GALC: variants seen among roughly 807,000 people sequenced by gnomAD.
The protein encoded by GALC is galactosylceramidase.
A neutral mutation model predicts 91.8 loss-of-function variants in GALC; 77 were observed. The ratio of observed to expected loss-of-function variants is 0.84; its 90% CI spans 0.70 to 1.01. GALC has a LOEUF of 1.01. GALC is among the 50% of genes least tolerant of loss of function. GALC has a pLI of 0.00. For synonymous variants in GALC, 357 were observed against 306.7 expected, an observed-to-expected ratio of 1.16 and a Z score of -1.71; for missense variants, 882 against 855.9, an observed-to-expected ratio of 1.03 and a Z score of -0.38.
At chr14:87,947,122 G>A (rs544588321) in intron 13 of GALC, among the ~76,000 whole-genome samples, 1 of 152,078 alleles carries the variant, frequency 6.6e-6, no homozygotes, top group East Asian at 1.9e-4. Flanking sequence ...ACACCACCAA[G>A]CAGTCAACAA....
At position 87,941,371 on chromosome 14, in the gene GALC, T is replaced by TA. The variant is rs540937002; in HGVS notation, c.1834+23_1834+24insT. On this transcript the variant is annotated intron_variant, in intron 15 of 16. Transcript: ENST00000261304. Reference sequence around the variant, plus strand: ...AACATAGCCCATAAGTCATATGCTATTAAAAAAAAAAAAAGTCAGTTACCT... The same window carrying TA: ...AACATAGCCCATAAGTCATATGCTATATAAAAAAAAAAAAAGTCAGTTACCT... 13 of 1,327,580 alleles carry TA rather than the reference T, an allele frequency of 9.8e-6. No homozygotes were observed. In the African/African-American group the frequency reaches 1.3e-4, roughly 14 times the overall value. The allele number at this position is 1,327,580 out of a possible 1,614,324, so 82.2% of individuals were successfully genotyped here. A position where few individuals can be genotyped will look rare whatever the true frequency, so the allele number is the denominator to read the frequency against.
intron 6 of GALC, chr14:87,980,758 A>G (rs575423287): frequency 1.3e-5 from 2 of 152,328 alleles, no homozygotes; most frequent in Admixed American, 6.5e-5. Context: ...CACCCTCCCC[A>G]ATACAAAAAA....
intron 3 of GALC, 38 bp from the exon 4 acceptor site, chr14:87,986,640 T>G: frequency 8.0e-7 from 1 of 1,256,126 alleles, no homozygotes; most frequent in African/African-American, 1.5e-5. Flanking sequence ...TAATGATCCA[T>G]GAATGGTACT....
chr14:87,968,223 T>C (rs1339059299), intron 8 of GALC, 112 bp downstream of exon 8: 22 of 882,774 alleles, frequency 2.5e-5, no homozygotes, highest in Non-Finnish European at 3.7e-5. Context: ...CAAGGCAAAA[T>C]GTTTACAATC....
rs1886495923 is a variant in GALC at position 87,976,430 on chromosome 14, T to C, written c.680A>G (p.Asp227Gly). ...TGCAGAGATGGACTCCCAGAGATTA[T>C]CACTTGCTATGATTTTCACTCGCTG... ...GLQRVKIIAS[D>G]NLWESISASM... Residue 227 changes from aspartate (D) to glycine (G), a missense_variant, in exon 7 of 17, where the codon GAT (aspartate) becomes GGT (glycine). Coordinates refer to ENST00000261304, the MANE Select transcript of GALC (RefSeq NM_000153.4). The C allele has an allele frequency of 5.0e-6, 8 of 1,613,690 alleles. No homozygotes were observed. Among genetic ancestry groups the C allele is most frequent in the Non-Finnish European group, 5.9e-6 (7 of 1,179,566 alleles).
At chr14:87,965,471 A>C (rs1885995722) in intron 9 of GALC, 34 bp downstream of exon 9, 3 of 1,610,594 alleles carry the variant, frequency 1.9e-6, no homozygotes, top group Non-Finnish European at 2.5e-6. Context: ...CTTAGAGAAG[A>C]ATTTAGGGAG....
chr14:87,941,564 A>T lies in GALC; in HGVS notation c.1671-6T>A, dbSNP rs2139941837. 4 of 1,551,606 alleles carry T rather than the reference A, an allele frequency of 2.6e-6. No individual in the cohort carries two copies. The highest frequency in any genetic ancestry group is 3.4e-4 in the Middle Eastern group (2 of 5,946). On this transcript the variant is annotated splice_region_variant and splice_polypyrimidine_tract_variant and intron_variant, in intron 14 of 16. Coordinates refer to ENST00000261304, the MANE Select transcript of GALC (RefSeq NM_000153.4). ...ACTTTATAGTCAGATTGGTCCTGCA[A>T]AATAAAACGGTTGATTAGTACTCTT... is the stretch of plus-strand genomic sequence containing the variant.
Position 87,986,591 on chromosome 14 carries a change from G to C in GALC, c.340C>G (p.Pro114Ala). 3.7e-6 allele frequency: 6 copies of C among 1,609,750 alleles called. No homozygotes were observed. The highest frequency in any genetic ancestry group is 1.7e-4 in the Middle Eastern group (1 of 6,060). The change falls in exon 4 of 17, where the codon CCC becomes GCC. Residue 114 changes from proline (P) to alanine (A), a missense_variant. Transcript: ENST00000261304. Reference sequence around the variant, plus strand: ...TCTAGTGCATAATGCATGTGGGAGGGCTCAGTGCCGTCTGAATAGAGGAGA... The same window carrying C: ...TCTAGTGCATAATGCATGTGGGAGGCCTCAGTGCCGTCTGAATAGAGGAGA... The part of the protein sequence containing the change: ...GDGQTTDGTE[P>A]SHMHYALDEN...
At chr14:87,935,298 T>C (rs898287419) in intron 16 of GALC, among the ~76,000 whole-genome samples, 8 of 152,096 alleles carry the variant, frequency 5.3e-5, no homozygotes, top group South Asian at 2.1e-4. Context: ...AGTCAAAACA[T>C]CTGCTTCTAC....
intron 10 of GALC, chr14:87,954,750 G>A (rs1885451563): frequency 6.4e-7 from 1 of 1,572,024 alleles, no homozygotes; most frequent in Admixed American, 1.7e-5. Flanking sequence ...TCTCTGAAGA[G>A]TATTTCTTTT....
intron 11 of GALC, 116 bp downstream of exon 11, chr14:87,950,543 A>G (rs962002372): frequency 1.9e-5 from 13 of 692,708 alleles, no homozygotes; most frequent in Non-Finnish European, 3.3e-5. Context: ...CTGTCAATTC[A>G]TATGCAAACT....
intron 6 of GALC, among the ~76,000 whole-genome samples, chr14:87,978,999 A>G (rs376490227): frequency 3.2e-4 from 49 of 152,198 alleles, no homozygotes; most frequent in African/African-American, 1.2e-3. Context: ...GAGCACCTAC[A>G]TTCGTCATTA....
In GALC at chr14:87,933,895, T is replaced by C. The variant is rs1459799756; in HGVS notation, c.*837A>G. 1.8e-6 allele frequency: 2 copies of C among 1,130,732 alleles called. No homozygotes were observed. The highest frequency in any genetic ancestry group is 2.6e-6 in the Non-Finnish European group (2 of 779,114). 70.0% of individuals were successfully genotyped at this position (1,130,732 alleles called of 1,614,324 possible). On this transcript the variant is annotated 3_prime_UTR_variant, in exon 17 of 17. Coordinates refer to ENST00000261304, the MANE Select transcript of GALC (RefSeq NM_000153.4). ...AGCATTCATCAGCTGTGTGAGTCTG[T>C]TACCAGTGCACATGTGAGGACAGAC...
At chr14:87,959,762 C>T (rs1190524751) in intron 10 of GALC, 1 of 151,600 alleles carries the variant, frequency 6.6e-6, no homozygotes, top group African/African-American at 2.4e-5. Context: ...ACCATATGAT[C>T]CAGTAATCCC....
intron 14 of GALC, among the ~76,000 whole-genome samples, chr14:87,942,131 A>C (rs1884886695): frequency 6.6e-6 from 1 of 151,996 alleles, no homozygotes; most frequent in African/African-American, 2.4e-5. Context: ...TCACACCTGA[A>C]CAGCACTGAA....
chr14:87,949,289 GGAA>G (rs1415969688), intron 12 of GALC, among the ~76,000 whole-genome samples: 1 of 151,998 alleles, frequency 6.6e-6, no homozygotes, highest in African/African-American at 2.4e-5. Context: ...CACATCTCTA[GGAA>G]GAAGACCAGT....
At chr14:87,970,987 G>A (rs1886271300) in intron 7 of GALC, among the ~76,000 whole-genome samples, 1 of 150,928 alleles carries the variant, frequency 6.6e-6, no homozygotes, top group African/African-American at 2.4e-5. Context: ...ACAAAATTAA[G>A]ATCAATGAAA....
chr14:87,978,177 A>G (rs8016551), intron 6 of GALC, among the ~76,000 whole-genome samples: 101,343 of 151,988 alleles, frequency 0.67, 34,368 homozygotes, highest in East Asian at 0.92. Context: ...TCAGCCTCTC[A>G]AGTAGCTGGG....
At chr14:87,956,701 T>C (rs1332550871) in intron 10 of GALC, among the ~76,000 whole-genome samples, 1 of 151,928 alleles carries the variant, frequency 6.6e-6, no homozygotes, top group Non-Finnish European at 1.5e-5. Context: ...TATGTTTCAA[T>C]TGTGAATTGT....
Sources: gnomAD v4.1 joint callset for allele counts (sites outside exome capture counted in the v4.1 genomes callset) on GRCh38, gnomAD v4.1.1 for gene constraint, MANE v1.5 for transcripts, NCBI Gene and HGNC (gene_info 2026-07-23, HGNC 2026-07-21) for gene names.